Variants in DNAJC12 observed in about 807,000 individuals in gnomAD.
DNAJC12 encodes the protein dnaJ homolog subfamily C member 12.
DNAJC12 carries 25 observed loss-of-function variants against 28.5 expected under a neutral mutation model. That is an observed-to-expected ratio of 0.88 (90% CI 0.64 to 1.22). The LOEUF is 1.22. DNAJC12 is among the 50% of genes most tolerant of loss of function. The pLI is 0.00. For missense variants in DNAJC12, 222 were observed against 231.7 expected (o/e 0.96, Z 0.27); for synonymous variants, 77 against 80.6 (o/e 0.95, Z 0.24).
chr10:67,812,521 G>GT (rs1405940248), intron 2 of DNAJC12, among the ~76,000 whole-genome samples: 1 of 152,058 alleles, frequency 6.6e-6, no homozygotes, highest in Non-Finnish European at 1.5e-5. Flanking sequence ...CCTCAGTGAA[G>GT]TAAAAACTTT....
chr10:67,809,541 A>C (rs80168723), intron 3 of DNAJC12, among the ~76,000 whole-genome samples: 3,441 of 152,298 alleles, frequency 0.023, 138 homozygotes, highest in African/African-American at 0.078. Flanking sequence ...AAAAGAAATA[A>C]ATAAGTAGGT....
At chr10:67,797,749 T>C (rs1193296202) in intron 4 of DNAJC12, among the ~76,000 whole-genome samples, 1 of 152,178 alleles carries the variant, frequency 6.6e-6, no homozygotes, top group African/African-American at 2.4e-5. Flanking sequence ...CGTTAAAATG[T>C]ATAAACCTTT....
intron 2 of DNAJC12, among the ~76,000 whole-genome samples, chr10:67,819,771 GAAGGAAGGGGAAGGAAGGAAGGAA>G: frequency 4.6e-5 from 1 of 21,894 alleles, no homozygotes; most frequent in African/African-American, 1.7e-4. Flanking sequence ...AGGAAGGAAG[GAAGGAAGGGGAAGGAAGGAAGGAA>G]GGAAGGAAGG....
intron 2 of DNAJC12, among the ~76,000 whole-genome samples, chr10:67,817,644 A>G (rs1841928812): frequency 6.6e-6 from 1 of 152,086 alleles, no homozygotes; most frequent in Admixed American, 6.6e-5. Context: ...TGGGAGGCCG[A>G]GGCAGGTGGA....
In DNAJC12 at chr10:67,838,053, G is replaced by A. The variant is rs747864748; in HGVS notation, c.-42C>T. ...GTCCTTCTTCCCTCGGAAACAAGAG[G>A]CACAGTGAGCTTCGAATTAACAGGA... is the stretch of plus-strand genomic sequence containing the variant. On this transcript the variant is annotated 5_prime_UTR_variant, in exon 1 of 5. Coordinates refer to ENST00000225171, the MANE Select transcript of DNAJC12 (RefSeq NM_021800.3). The A allele has an allele frequency of 3.8e-6, 5 of 1,327,776 alleles. No individual in the cohort carries two copies. In the East Asian group the frequency reaches 9.4e-5, roughly 25 times the overall value. 82.2% of individuals were successfully genotyped at this position (1,327,776 alleles called of 1,614,324 possible). A position where few individuals can be genotyped will look rare whatever the true frequency, so the allele number is the denominator to read the frequency against.
chr10:67,836,892 A>G (rs150820184), intron 1 of DNAJC12, among the ~76,000 whole-genome samples: 1 of 151,022 alleles, frequency 6.6e-6, no homozygotes, highest in African/African-American at 2.4e-5. Flanking sequence ...GATTTTAATA[A>G]AAATAAATAA....
At position 67,823,485 on chromosome 10, in the gene DNAJC12, G is replaced by A. The variant is rs1343768519; in HGVS notation, c.79-93C>T. 4.6e-5 allele frequency: 45 copies of A among 980,264 alleles called. 1 individual carries two copies. The highest frequency in any genetic ancestry group is 6.9e-5 in the South Asian group (5 of 72,692). The allele number at this position is 980,264 out of a possible 1,614,324, so 60.7% of individuals were successfully genotyped here. ...AACACTTTGGGAGGCTGAGGCAAGCGGATCACCAGGAATAAGACCAGCCTG... is the reference window on the plus strand; with the variant it reads ...AACACTTTGGGAGGCTGAGGCAAGCAGATCACCAGGAATAAGACCAGCCTG... On this transcript the variant is annotated intron_variant, in intron 1 of 4. Transcript: ENST00000225171.
In DNAJC12 at chr10:67,811,578, G is replaced by A. The variant is rs3740049; in HGVS notation, c.243C>T (p.Ser81=). The change falls in exon 3 of 5, where the codon AGC becomes AGT. Residue 81 remains serine (S), a synonymous_variant. Coordinates refer to ENST00000225171, the MANE Select transcript of DNAJC12 (RefSeq NM_021800.3). ...ACTGCTGGAATGGCATCGACATCTG[G>A]CTCCTTCGCCAGTGGTCATAGCGGG... ...SRARYDHWRR[S]QMSMPFQQWE... is the part of the protein sequence containing the mutation. 0.11 allele frequency: 178,968 copies of A among 1,613,968 alleles called. 11,689 individuals are homozygous for A. The highest frequency in any genetic ancestry group is 0.31 in the East Asian group (13,795 of 44,862).
chr10:67,796,881 T>C lies in DNAJC12; in HGVS notation c.*235A>G, dbSNP rs1290962468. 1 of 380,790 alleles carries C rather than the reference T, an allele frequency of 2.6e-6. No individual in the cohort carries two copies. Among genetic ancestry groups the C allele is most frequent in the Non-Finnish European group, 4.7e-6 (1 of 211,520 alleles). 23.6% of individuals were successfully genotyped at this position (380,790 alleles called of 1,614,324 possible). On this transcript the variant is annotated 3_prime_UTR_variant, in exon 5 of 5. Coordinates refer to ENST00000225171, the MANE Select transcript of DNAJC12 (RefSeq NM_021800.3). The stretch of plus-strand genomic sequence containing the variant: ...TAATAGGAAAAAGCATATAATACAA[T>C]CTACTCTGTATCTAAGAGCTTTAAT...
intron 4 of DNAJC12, among the ~76,000 whole-genome samples, chr10:67,801,836 C>CTTTTTT (rs577511924): frequency 0.012 from 325 of 26,168 alleles, 69 homozygotes; most frequent in East Asian, 0.018. Context: ...CCACTTCATT[C>CTTTTTT]TTTTTTTTTT....
At chr10:67,816,048 G>C in intron 2 of DNAJC12, 1 of 398,380 alleles carries the variant, frequency 2.5e-6, no homozygotes, top group Non-Finnish European at 4.4e-6. Flanking sequence ...GCCAGTTCTG[G>C]GAAGAGAGAT....
chr10:67,809,182 C>T (rs1841834290), intron 3 of DNAJC12, among the ~76,000 whole-genome samples: 1 of 152,154 alleles, frequency 6.6e-6, no homozygotes, highest in African/African-American at 2.4e-5. Context: ...TTTAGCCATT[C>T]ATTTTGACTG....
chr10:67,829,997 T>C (rs1371713701), intron 1 of DNAJC12, among the ~76,000 whole-genome samples: 1 of 151,864 alleles, frequency 6.6e-6, no homozygotes, highest in Non-Finnish European at 1.5e-5. Context: ...TATATGTATA[T>C]AATAATGATA....
chr10:67,832,209 G>T (rs1842101065), intron 1 of DNAJC12, among the ~76,000 whole-genome samples: 1 of 149,086 alleles, frequency 6.7e-6, no homozygotes, highest in Admixed American at 6.7e-5. Flanking sequence ...AGGTTGCAGT[G>T]AGCCCAGATT....
At chr10:67,819,752 AAG>A (rs1335251039) in intron 2 of DNAJC12, among the ~76,000 whole-genome samples, 1 of 25,514 alleles carries the variant, frequency 3.9e-5, no homozygotes, top group African/African-American at 1.8e-4. Flanking sequence ...GGAAGGAAGG[AAG>A]GAAGGAAGGA....
chr10:67,833,053 A>G (rs983856070), intron 1 of DNAJC12, among the ~76,000 whole-genome samples: 3 of 152,246 alleles, frequency 2.0e-5, no homozygotes, highest in African/African-American at 7.2e-5. Flanking sequence ...TGTCCAGGTC[A>G]TGAAAGACAA....
At chr10:67,831,282 G>C (rs1842091314) in intron 1 of DNAJC12, among the ~76,000 whole-genome samples, 1 of 152,122 alleles carries the variant, frequency 6.6e-6, no homozygotes, top group Non-Finnish European at 1.5e-5. Flanking sequence ...TAATTAACAT[G>C]TATAAGTCAT....
intron 2 of DNAJC12, among the ~76,000 whole-genome samples, chr10:67,819,703 G>A (rs143528247): frequency 0.34 from 10,140 of 29,604 alleles, 2,352 homozygotes; most frequent in South Asian, 0.42. Flanking sequence ...AGAAAGGAAG[G>A]AAGGAAGGAA....
intron 4 of DNAJC12, among the ~76,000 whole-genome samples, chr10:67,801,836 C>CTTTTTTTTT (rs577511924): frequency 0.013 from 342 of 26,146 alleles, 96 homozygotes; most frequent in East Asian, 0.04. Flanking sequence ...CCACTTCATT[C>CTTTTTTTTT]TTTTTTTTTT....
Sources: gnomAD v4.1 joint callset for allele counts (sites outside exome capture counted in the v4.1 genomes callset) on GRCh38, gnomAD v4.1.1 for gene constraint, MANE v1.5 for transcripts, NCBI Gene and HGNC (gene_info 2026-07-23, HGNC 2026-07-21) for gene names.